The following GOPC variants were observed in gnomAD, a reference collection of about 807,000 sequenced individuals.
GOPC encodes golgi associated PDZ and coiled-coil motif containing.
In GOPC, 32 loss-of-function variants were observed where a neutral mutation model predicts 51.2. The ratio of observed to expected loss-of-function variants is 0.63; its 90% CI spans 0.47 to 0.84. The LOEUF (loss-of-function observed/expected upper bound fraction) is 0.84. Among genes scored for constraint, GOPC ranks in the 40% least tolerant of loss-of-function variants. GOPC has a pLI of 0.00. For synonymous variants in GOPC, 190 were observed against 205.1 expected (o/e 0.93, Z 0.63); for missense variants, 441 against 555.5 (o/e 0.79, Z 2.07).
intron 5 of GOPC, among the ~76,000 whole-genome samples, chr6:117,572,369 A>G (rs1001579517): frequency 2.0e-5 from 3 of 152,058 alleles, no homozygotes; most frequent in African/African-American, 7.2e-5. Context: ...ACTTCTCCTG[A>G]CCTCATCACT....
At chr6:117,600,983 G>C (rs1771995609) in intron 1 of GOPC, among the ~76,000 whole-genome samples, 1 of 152,154 alleles carries the variant, frequency 6.6e-6, no homozygotes, top group Non-Finnish European at 1.5e-5. Context: ...GCAAGGAGAG[G>C]ATGTTTAACT....
At chr6:117,591,776 G>C (rs180954268) in intron 1 of GOPC, among the ~76,000 whole-genome samples, 2 of 152,040 alleles carry the variant, frequency 1.3e-5, no homozygotes, top group South Asian at 2.1e-4. Context: ...ACTGATCACC[G>C]GGCCAAAGAA....
At chr6:117,588,957 G>A (rs1780074318) in intron 1 of GOPC, among the ~76,000 whole-genome samples, 1 of 152,110 alleles carries the variant, frequency 6.6e-6, no homozygotes, top group Non-Finnish European at 1.5e-5. Flanking sequence ...GTAGGGGTAG[G>A]CAATCTTTTG....
chr6:117,566,875 C>T lies in GOPC; in HGVS notation c.1237G>A (p.Gly413Arg), dbSNP rs139991029. Residue 413 changes from glycine to arginine, a missense_variant, in exon 8 of 9, where the codon GGG becomes AGG. Physicochemically the swap from Gly to Arg is moderately radical, Grantham distance 125. This residue lies in a region of GOPC where 71 missense variants were observed against 68.8 expected (regional missense o/e 1.03). Coordinates refer to ENST00000368498, the MANE Select transcript of GOPC (RefSeq NM_020399.4). ...NPGASCKDTSGEIKVLQGFNK... is the reference protein window; with the variant it reads ...NPGASCKDTSREIKVLQGFNK... ...TTACCTTGTAATACTTTGATTTCCCCACTTGTGTCTTTGCAACTAGCACCA... is the reference window on the plus strand; with the variant it reads ...TTACCTTGTAATACTTTGATTTCCCTACTTGTGTCTTTGCAACTAGCACCA... 2.3e-5 allele frequency: 36 copies of T among 1,580,808 alleles called. No homozygotes were observed. In the African/African-American group the frequency reaches 4.7e-4, roughly 21 times the overall value.
At chr6:117,577,313 G>T in intron 3 of GOPC, 135 bp downstream of exon 3, 3 of 748,936 alleles carry the variant, frequency 4.0e-6, no homozygotes, top group South Asian at 3.5e-5. Flanking sequence ...AACTTTTCAG[G>T]TACTGGAACA....
chr6:117,598,967 CATT>C (rs1333739957), intron 1 of GOPC, among the ~76,000 whole-genome samples: 2 of 152,080 alleles, frequency 1.3e-5, no homozygotes, highest in Admixed American at 6.6e-5. Flanking sequence ...CTAATTTCAT[CATT>C]ATTATGTGTA....
rs148853757 is a variant in GOPC at position 117,593,746 on chromosome 6, T to C, written c.285+8258A>G. Among the ~76,000 whole-genome samples, 435 of 152,356 alleles carry C rather than the reference T, an allele frequency of 2.9e-3. 4 individuals carry two copies. Among genetic ancestry groups the C allele is most frequent in the African/African-American group, 9.6e-3 (400 of 41,580 alleles). On this transcript the variant is annotated intron_variant, in intron 1 of 8. Coordinates refer to ENST00000368498, the MANE Select transcript of GOPC (RefSeq NM_020399.4). ...GGTAACTGATCAATAAAGTTGGCAA[T>C]ATTGTTATTGCTAATAATATAACAC...
At chr6:117,583,426 G>A (rs1779988163) in intron 1 of GOPC, among the ~76,000 whole-genome samples, 1 of 152,140 alleles carries the variant, frequency 6.6e-6, no homozygotes, top group Admixed American at 6.5e-5. Context: ...TTTTAATGCA[G>A]CTCATTACGT....
intron 1 of GOPC, among the ~76,000 whole-genome samples, chr6:117,586,582 G>A (rs918830468): frequency 6.9e-6 from 1 of 144,350 alleles, no homozygotes; most frequent in Non-Finnish European, 1.5e-5. Context: ...CCAGGTTCAC[G>A]CCATTCTCTT....
Position 117,566,902 on chromosome 6 carries a change from G to T in GOPC, c.1210C>A (p.Pro404Thr), listed in dbSNP as rs776807686. 6.2e-7 allele frequency: 1 copy of T among 1,605,780 alleles called. No homozygotes were observed. Among genetic ancestry groups the T allele is most frequent in the South Asian group, 1.1e-5 (1 of 89,438 alleles). ...YLDELEGGGN[P>T]GASCKDTSGE... ...CTTGTGTCTTTGCAACTAGCACCAG[G>T]GTTACCACCTCCTTCTAACTCATCA... Residue 404 changes from proline to threonine, a missense_variant, in exon 8 of 9, where the codon CCT (proline) becomes ACT (threonine). This residue lies in a region of GOPC where 71 missense variants were observed against 68.8 expected (regional missense o/e 1.03). Coordinates refer to ENST00000368498, the MANE Select transcript of GOPC (RefSeq NM_020399.4).
intron 1 of GOPC, among the ~76,000 whole-genome samples, chr6:117,585,871 G>A (rs890037815): frequency 5.3e-5 from 8 of 152,172 alleles, no homozygotes; most frequent in Non-Finnish European, 5.9e-5. Context: ...AGATATGCAA[G>A]CAAACAAAGC....
chr6:117,573,619 G>A lies in GOPC; in HGVS notation c.664C>T (p.Gln222Ter). ...CCCTTCATATCTCGTCCTAGCAATT[G>A]TATCTGTTGGACCCTTCATATTGGG... is the stretch of plus-strand genomic sequence containing the variant. ...KELAGRVQQIQLLGRDMKGPA... is the reference protein window; with the variant it reads ...KELAGRVQQI The change falls in exon 5 of 9, where the codon CAA (glutamine) becomes TAA (stop). Residue 222 changes from glutamine (Q) to a stop codon, truncating the protein, a stop_gained. Transcript: ENST00000368498. LOFTEE classifies it high-confidence loss of function. 2 of 1,613,210 alleles carry A rather than the reference G, an allele frequency of 1.2e-6. No homozygotes were observed. Among genetic ancestry groups the A allele is most frequent in the Non-Finnish European group, 1.7e-6 (2 of 1,179,470 alleles).
At position 117,561,859 on chromosome 6, in the gene GOPC, T is replaced by A. The variant is rs1374243846; in HGVS notation, c.*1395A>T. 4.8e-6 allele frequency: 1 copy of A among 206,340 alleles called. No homozygotes were observed. Among genetic ancestry groups the A allele is most frequent in the African/African-American group, 2.3e-5 (1 of 43,866 alleles). 12.8% of individuals were successfully genotyped at this position (206,340 alleles called of 1,614,324 possible). A position where few individuals can be genotyped will look rare whatever the true frequency, so the allele number is the denominator to read the frequency against. ...AAACCACAAAATAAAGTATATACATTTTATAGATTTACCCTTGAACAAATA... is the reference window on the plus strand; with the variant it reads ...AAACCACAAAATAAAGTATATACATATTATAGATTTACCCTTGAACAAATA... On this transcript the variant is annotated 3_prime_UTR_variant, in exon 9 of 9. Transcript: ENST00000368498.
rs566775319 is a variant in GOPC, at chr6:117,560,326, T to C, written c.*2928A>G. The C allele has an allele frequency of 2.8e-5, 5 of 178,632 alleles. No homozygotes were observed. In the East Asian group the frequency reaches 4.7e-4, roughly 17 times the overall value. The allele number at this position is 178,632 out of a possible 1,614,324, so 11.1% of individuals were successfully genotyped here. ...AAAAATGAGATCAATATCATTTTAA[T>C]GTAGAAGATGCCATCTTTATTTACA... On this transcript the variant is annotated 3_prime_UTR_variant, in exon 9 of 9. Coordinates refer to ENST00000368498, the MANE Select transcript of GOPC (RefSeq NM_020399.4).
In GOPC at chr6:117,592,793, G is replaced by C. The variant is rs1269523306; in HGVS notation, c.285+9211C>G. On this transcript the variant is annotated intron_variant, in intron 1 of 8. Coordinates refer to ENST00000368498, the MANE Select transcript of GOPC (RefSeq NM_020399.4). ...TACGATTCAACCCACTACAGATACT[G>C]ATCAATCATTTCCCAAACAGAAATG... Among the ~76,000 whole-genome samples the C allele has an allele frequency of 2.6e-5, 4 of 152,274 alleles. No individual in the cohort carries two copies. The East Asian group carries it at 7.7e-4, about 29-fold the overall frequency.
intron 8 of GOPC, among the ~76,000 whole-genome samples, chr6:117,564,364 A>AT (rs1779651045): frequency 6.6e-6 from 1 of 152,150 alleles, no homozygotes; most frequent in Non-Finnish European, 1.5e-5. Context: ...TTATATTTTT[A>AT]TTTTTCATTG....
intron 1 of GOPC, 136 bp downstream of exon 1, chr6:117,601,868 G>A: frequency 3.1e-6 from 3 of 978,964 alleles, no homozygotes; most frequent in Non-Finnish European, 4.5e-6. Context: ...TCACTCCTCA[G>A]ACATGCACTC....
rs141507076 is a variant in GOPC at position 117,579,999 on chromosome 6, A to G, written c.286-935T>C. On this transcript the variant is annotated intron_variant, in intron 1 of 8. Coordinates refer to ENST00000368498, the MANE Select transcript of GOPC (RefSeq NM_020399.4). Reference sequence around the variant, plus strand: ...AGAGAGAACTGACCCAGTCCCAAGGAATTCAAACTAAAGGAAGGCTTAAAG... The same window carrying G: ...AGAGAGAACTGACCCAGTCCCAAGGGATTCAAACTAAAGGAAGGCTTAAAG... Among the ~76,000 whole-genome samples the G allele has an allele frequency of 2.0e-5, 3 of 152,242 alleles. 1 individual carries two copies. The East Asian group carries it at 5.8e-4, about 29-fold the overall frequency.
At chr6:117,579,465 C>T (rs1779928323) in intron 1 of GOPC, among the ~76,000 whole-genome samples, 1 of 152,030 alleles carries the variant, frequency 6.6e-6, no homozygotes, top group Non-Finnish European at 1.5e-5. Flanking sequence ...GAGAAGATGT[C>T]AGTAAGTGAG....
Sources: gnomAD v4.1 joint callset for allele counts (sites outside exome capture counted in the v4.1 genomes callset) on GRCh38, gnomAD v4.1.1 for gene constraint, gnomAD v4.1.1 regional missense constraint, MANE v1.5 for transcripts, NCBI Gene and HGNC (gene_info 2026-07-23, HGNC 2026-07-21) for gene names.